The following CCN4 variants were observed in gnomAD, a reference collection of about 807,000 sequenced individuals.
The protein encoded by CCN4 is CCN family member 4.
A neutral mutation model predicts 36.7 loss-of-function variants in CCN4; 30 were observed. The observed-to-expected ratio is 0.82, with a 90% CI of 0.61 to 1.11. The LOEUF is 1.11. Among genes scored for constraint, CCN4 ranks in the 50% least tolerant of loss-of-function variants. CCN4 has a pLI of 0.00. For synonymous variants in CCN4, 191 were observed against 195.4 expected (o/e 0.98, Z 0.19); for missense variants, 505 against 504.9 (o/e 1.00, Z 0.00).
chr8:133,208,994 C>A (rs1853885062), intron 1 of CCN4, among the ~76,000 whole-genome samples: 1 of 152,212 alleles, frequency 6.6e-6, no homozygotes, highest in Non-Finnish European at 1.5e-5. Flanking sequence ...GTTGGCCTCA[C>A]TAGGTGGGGA....
chr8:133,215,984 TAC>T (rs35957025), intron 2 of CCN4, among the ~76,000 whole-genome samples: 18,830 of 148,400 alleles, frequency 0.13, 1,849 homozygotes, highest in African/African-American at 0.25. Flanking sequence ...CCCATTACAC[TAC>T]ACACACACAC....
intron 2 of CCN4, among the ~76,000 whole-genome samples, chr8:133,214,933 C>T (rs900580846): frequency 6.6e-6 from 1 of 152,168 alleles, no homozygotes; most frequent in Non-Finnish European, 1.5e-5. Flanking sequence ...TGCAGTCAGA[C>T]AATTTTATTT....
intron 1 of CCN4, among the ~76,000 whole-genome samples, chr8:133,198,240 A>G (rs1037950953): frequency 6.6e-6 from 1 of 152,170 alleles, no homozygotes. Flanking sequence ...GGCACCCAAA[A>G]TGTATGTCCC....
chr8:133,193,767 A>C (rs1853199555), intron 1 of CCN4, among the ~76,000 whole-genome samples: 1 of 152,224 alleles, frequency 6.6e-6, no homozygotes, highest in African/African-American at 2.4e-5. Context: ...TAATCAGGGA[A>C]GCTGACATTT....
chr8:133,194,165 A>T (rs1853218382), intron 1 of CCN4, among the ~76,000 whole-genome samples: 1 of 151,790 alleles, frequency 6.6e-6, no homozygotes, highest in Non-Finnish European at 1.5e-5. Flanking sequence ...TACAGGTAAA[A>T]CCCACATCCT....
At chr8:133,214,686 C>A (rs1218864549) in intron 2 of CCN4, among the ~76,000 whole-genome samples, 1 of 152,102 alleles carries the variant, frequency 6.6e-6, no homozygotes, top group Admixed American at 6.5e-5. Flanking sequence ...ATATATGACT[C>A]ATCAGATTAA....
At chr8:133,224,687 C>A (rs979514617) in intron 3 of CCN4, among the ~76,000 whole-genome samples, 2 of 152,114 alleles carry the variant, frequency 1.3e-5, no homozygotes, top group Non-Finnish European at 2.9e-5. Context: ...GTAATCCCAA[C>A]ACTTTGGAAG....
chr8:133,223,600 TTTA>T (rs1447421818), intron 3 of CCN4, among the ~76,000 whole-genome samples: 29 of 152,250 alleles, frequency 1.9e-4, no homozygotes, highest in African/African-American at 6.7e-4. Flanking sequence ...CTTCATTCTT[TTTA>T]TTACTTTTAT....
At chr8:133,213,681 GTATATTATAGAAATATACTA>G (rs1564260575) in intron 2 of CCN4, among the ~76,000 whole-genome samples, 1 of 147,092 alleles carries the variant, frequency 6.8e-6, no homozygotes, top group Non-Finnish European at 1.5e-5. Flanking sequence ...ATATAATATA[GTATATTATAGAAATATACTA>G]TATATTCTAT....
chr8:133,224,532 C>G (rs138841843), intron 3 of CCN4, among the ~76,000 whole-genome samples: 1 of 152,088 alleles, frequency 6.6e-6, no homozygotes, highest in Non-Finnish European at 1.5e-5. Flanking sequence ...ACCCACTATG[C>G]CCTCGGCATC....
At chr8:133,204,702 G>A (rs1461824432) in intron 1 of CCN4, among the ~76,000 whole-genome samples, 1 of 152,188 alleles carries the variant, frequency 6.6e-6, no homozygotes, top group African/African-American at 2.4e-5. Flanking sequence ...CTATAGGCAT[G>A]TGCCACTACA....
intron 2 of CCN4, among the ~76,000 whole-genome samples, chr8:133,218,357 A>AT (rs1854402032): frequency 6.6e-6 from 1 of 152,162 alleles, no homozygotes; most frequent in South Asian, 2.1e-4. Context: ...CCCAAAAAAA[A>AT]CAATAGCCGC....
At chr8:133,191,996 C>G (rs1167674284) in intron 1 of CCN4, among the ~76,000 whole-genome samples, 3 of 152,024 alleles carry the variant, frequency 2.0e-5, no homozygotes, top group African/African-American at 4.8e-5. Context: ...TAGAGCCAGC[C>G]TGCTAGGGCC....
chr8:133,207,134 C>T (rs1303014642), intron 1 of CCN4, among the ~76,000 whole-genome samples: 2 of 152,236 alleles, frequency 1.3e-5, no homozygotes, highest in African/African-American at 2.4e-5. Flanking sequence ...TAAGATGACT[C>T]ACAGCGTTAA....
At chr8:133,205,350 C>CTTGT (rs533532850) in intron 1 of CCN4, among the ~76,000 whole-genome samples, 2 of 152,164 alleles carry the variant, frequency 1.3e-5, no homozygotes, top group Non-Finnish European at 2.9e-5. Context: ...TGTTGTTGTT[C>CTTGT]TTGTTTGTTT....
At position 133,224,223 on chromosome 8, in the gene CCN4, T is replaced by G. The variant is rs1854638377; in HGVS notation, c.611-1167T>G. 1.8e-5 allele frequency among the ~76,000 whole-genome samples: 2 copies of G among 110,762 alleles called. 1 individual carries two copies. The highest frequency in any genetic ancestry group is 7.0e-5 in the African/African-American group (2 of 28,420). The allele number at this position is 110,762 out of a possible 152,430, so 72.7% of individuals were successfully genotyped here. ...CCTGGTGATTTGAATTTGAAGCCCG[T>G]AAGTCCTTTTTTTTTTTTTTTTTTT... On this transcript the variant is annotated intron_variant, in intron 3 of 4. Transcript: ENST00000250160.
At chr8:133,208,278 A>C (rs1201301120) in intron 1 of CCN4, among the ~76,000 whole-genome samples, 1 of 152,116 alleles carries the variant, frequency 6.6e-6, no homozygotes, top group Non-Finnish European at 1.5e-5. Context: ...TCCAGCTGTG[A>C]CCTCATATGA....
intron 1 of CCN4, among the ~76,000 whole-genome samples, chr8:133,210,044 G>T (rs1269718967): frequency 6.6e-6 from 1 of 152,194 alleles, no homozygotes; most frequent in Non-Finnish European, 1.5e-5. Context: ...AGTACATGAT[G>T]CCTTAAATAT....
At chr8:133,209,213 A>C (rs1853895575) in intron 1 of CCN4, among the ~76,000 whole-genome samples, 1 of 152,094 alleles carries the variant, frequency 6.6e-6, no homozygotes, top group African/African-American at 2.4e-5. Context: ...GTGAGGATTG[A>C]TCGATTATCA....
Sources: allele counts gnomAD v4.1 joint callset (sites outside exome capture counted in the v4.1 genomes callset), GRCh38; gene constraint gnomAD v4.1.1; transcripts MANE v1.5; gene names NCBI Gene and HGNC (gene_info 2026-07-23, HGNC 2026-07-21).